Variants in RUNDC3B observed in about 807,000 individuals in gnomAD.
RUNDC3B encodes the protein RUN domain containing 3B.
RUNDC3B carries 33 observed loss-of-function variants against 58.4 expected under a neutral mutation model. The observed-to-expected ratio is 0.56, with a 90% CI of 0.43 to 0.75. RUNDC3B has a LOEUF of 0.75. Ranked by LOEUF, RUNDC3B falls within the 30% of genes least tolerant of loss-of-function variation. The probability of loss-of-function intolerance (pLI) is 0.00; values close to 1 mark genes in which losing one functional copy is unlikely to be tolerated. For missense variants in RUNDC3B, 501 were observed against 535.7 expected (o/e 0.94, Z 0.64); for synonymous variants, 193 against 195.2 (o/e 0.99, Z 0.10).
chr7:87,737,424 A>ATCAGAT (rs1832052714), intron 4 of RUNDC3B, among the ~76,000 whole-genome samples: 1 of 152,150 alleles, frequency 6.6e-6, no homozygotes, highest in South Asian at 2.1e-4. Flanking sequence ...GACCACAGGA[A>ATCAGAT]TCAGATTTTT....
chr7:87,681,266 T>C (rs1018593637), intron 2 of RUNDC3B, among the ~76,000 whole-genome samples: 1 of 150,642 alleles, frequency 6.6e-6, no homozygotes, highest in African/African-American at 2.5e-5. Flanking sequence ...AAGGTAATAA[T>C]AGTAATCCTA....
At chr7:87,708,711 G>T (rs1829817371) in intron 3 of RUNDC3B, among the ~76,000 whole-genome samples, 1 of 152,058 alleles carries the variant, frequency 6.6e-6, no homozygotes, top group Non-Finnish European at 1.5e-5. Flanking sequence ...GAGTGTATAG[G>T]TATTAACATA....
At chr7:87,710,277 A>G (rs1488845534) in intron 3 of RUNDC3B, among the ~76,000 whole-genome samples, 3 of 152,186 alleles carry the variant, frequency 2.0e-5, no homozygotes, top group African/African-American at 7.2e-5. Flanking sequence ...ATATAATTAC[A>G]TCATGTAATT....
At chr7:87,715,256 T>C (rs1215043002) in intron 4 of RUNDC3B, among the ~76,000 whole-genome samples, 3 of 134,050 alleles carry the variant, frequency 2.2e-5, no homozygotes, top group African/African-American at 8.4e-5. Context: ...AATTATATTA[T>C]ATATAATTAA....
At chr7:87,704,707 A>T (rs1829433827) in intron 3 of RUNDC3B, among the ~76,000 whole-genome samples, 1 of 152,248 alleles carries the variant, frequency 6.6e-6, no homozygotes, top group African/African-American at 2.4e-5. Context: ...TGTTTTGCTC[A>T]GGCCTCAAAC....
intron 3 of RUNDC3B, among the ~76,000 whole-genome samples, chr7:87,701,305 AGCTG>A: frequency 6.6e-6 from 1 of 152,236 alleles, no homozygotes; most frequent in Admixed American, 6.5e-5. Flanking sequence ...TCAAGGAAAC[AGCTG>A]ACAGTATTTG....
At chr7:87,633,272 C>T (rs1821408952) in intron 1 of RUNDC3B, among the ~76,000 whole-genome samples, 2 of 152,166 alleles carry the variant, frequency 1.3e-5, no homozygotes, top group African/African-American at 4.8e-5. Flanking sequence ...CAAGTTTAAT[C>T]CACAACACAT....
At chr7:87,642,620 T>TTTAAATATATATAAAAA in intron 1 of RUNDC3B, among the ~76,000 whole-genome samples, 1 of 152,066 alleles carries the variant, frequency 6.6e-6, no homozygotes, top group East Asian at 1.9e-4. Context: ...CCTTATTTAT[T>TTTAAATATATATAAAAA]TATTTATTTA....
intron 1 of RUNDC3B, among the ~76,000 whole-genome samples, chr7:87,632,920 A>G (rs1821373402): frequency 6.6e-6 from 1 of 152,190 alleles, no homozygotes; most frequent in Non-Finnish European, 1.5e-5. Flanking sequence ...GCAAAGTCAT[A>G]ATTTTCCTGT....
chr7:87,655,230 A>G (rs1029284457), intron 2 of RUNDC3B, among the ~76,000 whole-genome samples: 2 of 152,172 alleles, frequency 1.3e-5, no homozygotes, highest in African/African-American at 4.8e-5. Flanking sequence ...GTACATAGCC[A>G]AGGAAATGAA....
intron 3 of RUNDC3B, among the ~76,000 whole-genome samples, chr7:87,706,009 C>T (rs977963380): frequency 3.9e-5 from 6 of 151,920 alleles, no homozygotes; most frequent in Admixed American, 1.3e-4. Flanking sequence ...GAGGGATTGT[C>T]CCCCCATTTT....
intron 4 of RUNDC3B, among the ~76,000 whole-genome samples, chr7:87,719,451 CAT>C (rs1374438066): frequency 2.3e-4 from 35 of 151,108 alleles, no homozygotes; most frequent in Non-Finnish European, 8.9e-5. Flanking sequence ...GAAATATAAA[CAT>C]ATAAAAGTAT....
At chr7:87,729,297 G>A (rs1018429332) in intron 4 of RUNDC3B, among the ~76,000 whole-genome samples, 5 of 152,092 alleles carry the variant, frequency 3.3e-5, no homozygotes, top group African/African-American at 9.7e-5. Context: ...CGCAGTGTGT[G>A]GTTTTAACAT....
intron 4 of RUNDC3B, among the ~76,000 whole-genome samples, chr7:87,736,890 T>TATATATATATA (rs1491485968): frequency 3.7e-5 from 1 of 26,876 alleles, no homozygotes; most frequent in Non-Finnish European, 6.0e-5. Context: ...TATATATATA[T>TATATATATATA]TTTTTTTTTT....
intron 2 of RUNDC3B, among the ~76,000 whole-genome samples, chr7:87,651,223 G>A (rs1823537326): frequency 1.3e-5 from 2 of 152,196 alleles, no homozygotes; most frequent in Middle Eastern, 3.4e-3. Context: ...CATCCCAAAG[G>A]TTACTAGATG....
intron 8 of RUNDC3B, among the ~76,000 whole-genome samples, chr7:87,795,079 A>C (rs959639003): frequency 3.9e-5 from 6 of 152,184 alleles, no homozygotes; most frequent in Non-Finnish European, 7.4e-5. Flanking sequence ...AACTTCTTGA[A>C]TAATAGTGTC....
chr7:87,709,251 T>G, intron 3 of RUNDC3B: 1 of 985,346 alleles, frequency 1.0e-6, no homozygotes, highest in Non-Finnish European at 1.2e-6. Context: ...TAGTCTCCTG[T>G]GCTGAATTGT....
intron 4 of RUNDC3B, among the ~76,000 whole-genome samples, chr7:87,712,780 T>C (rs991988240): frequency 6.6e-6 from 1 of 152,062 alleles, no homozygotes; most frequent in Non-Finnish European, 1.5e-5. Flanking sequence ...CATACAGTCT[T>C]CAAACAGAAA....
rs981881664 is a variant in RUNDC3B at position 87,825,138 on chromosome 7, C to T, written c.1226-4747C>T. On this transcript the variant is annotated intron_variant, in intron 10 of 10. Transcript: ENST00000394654. The stretch of plus-strand genomic sequence containing the variant: ...TTGGGAGGCTGAGGCAGAAGAAAGG[C>T]GTGAACCTGGGAGGTGGAGCTTGCA... Among the ~76,000 whole-genome samples, 9 of 151,966 alleles carry T rather than the reference C, an allele frequency of 5.9e-5. No individual in the cohort carries two copies. The South Asian group carries it at 8.3e-4, about 14-fold the overall frequency.
Sources: gnomAD v4.1 joint callset for allele counts (sites outside exome capture counted in the v4.1 genomes callset) on GRCh38, gnomAD v4.1.1 for gene constraint, MANE v1.5 for transcripts, NCBI Gene and HGNC (gene_info 2026-07-23, HGNC 2026-07-21) for gene names.